ANK3: variants seen among roughly 807,000 people sequenced by gnomAD.
The protein encoded by ANK3 is ankyrin-3.
A neutral mutation model predicts 370.9 loss-of-function variants in ANK3; 57 were observed. The observed-to-expected ratio is 0.15, with a 90% CI of 0.12 to 0.19. The LOEUF (loss-of-function observed/expected upper bound fraction) is 0.19, where lower values mean the gene tolerates loss of function less well. Ranked by LOEUF, ANK3 falls within the 10% of genes least tolerant of loss-of-function variation. ANK3 has a pLI of 1.00. For synonymous variants in ANK3, 1,929 were observed against 1,946.3 expected, an observed-to-expected ratio of 0.99 and a Z score of 0.23; for missense variants, 4,439 against 5,302.1, an observed-to-expected ratio of 0.84 and a Z score of 5.06.
At chr10:60,122,031 G>A (rs1421623705) in intron 25 of ANK3, among the ~76,000 whole-genome samples, 1 of 152,210 alleles carries the variant, frequency 6.6e-6, no homozygotes, top group African/African-American at 2.4e-5. Context: ...AAGGAGGGGT[G>A]TTGCCTGGGC....
upstream of ANK3, among the ~76,000 whole-genome samples, chr10:60,390,044 C>T (rs1287536227): frequency 6.6e-6 from 1 of 152,118 alleles, no homozygotes; most frequent in Non-Finnish European, 1.5e-5. Flanking sequence ...TAGATCTACA[C>T]GGAGAATAAT....
Position 60,669,411 on chromosome 10 carries a change from C to CA in ANK3, c.58-54188_58-54187insT, listed in dbSNP as rs571447245. On this transcript the variant is annotated intron_variant, in intron 1 of 43. Transcript: ENST00000373827. ...TGGTTTTTTTGCCTTAAGAAACACT[C>CA]CAACTTTCAGAGGCTTGCACCCTTT... Among the ~76,000 whole-genome samples, 301 of 152,324 alleles carry CA rather than the reference C, an allele frequency of 2.0e-3. 1 individual carries two copies. The highest frequency in any genetic ancestry group is 6.9e-3 in the African/African-American group (286 of 41,554).
At chr10:60,141,719 A>C (rs2094578709) in intron 23 of ANK3, among the ~76,000 whole-genome samples, 1 of 151,578 alleles carries the variant, frequency 6.6e-6, no homozygotes, top group African/African-American at 2.4e-5. Flanking sequence ...ATGTTACCTA[A>C]ATATACAGGA....
chr10:60,449,582 G>A, intron 2 of ANK3, among the ~76,000 whole-genome samples: 1 of 152,028 alleles, frequency 6.6e-6, no homozygotes, highest in East Asian at 1.9e-4. Flanking sequence ...AGACTCCTGG[G>A]GTCCACCTAT....
chr10:60,719,493 T>C (rs2079833884), intron 1 of ANK3, among the ~76,000 whole-genome samples: 4 of 152,164 alleles, frequency 2.6e-5, no homozygotes, highest in Admixed American at 2.0e-4. Context: ...GAAGTGCCCA[T>C]ATCCTCAACA....
At chr10:60,633,046 T>C (rs534880225) in intron 1 of ANK3, among the ~76,000 whole-genome samples, 9 of 152,328 alleles carry the variant, frequency 5.9e-5, no homozygotes, top group South Asian at 4.1e-4. Flanking sequence ...AGAGATTCTA[T>C]ACTTAGCTCC....
rs1021854781 is a variant in ANK3, at chr10:60,567,129, T to A, written c.96+48057A>T. Among the ~76,000 whole-genome samples the A allele has an allele frequency of 2.0e-5, 3 of 152,212 alleles. No homozygotes were observed. In the East Asian group the frequency reaches 5.8e-4, roughly 29 times the overall value. ...AGCAAAGAAAACTGATGAAGGTGGT[T>A]ACACTAAACCACAGATTTTTCAGTG... On this transcript the variant is annotated intron_variant, in intron 2 of 43. Transcript: ENST00000373827.
chr10:60,673,572 G>A (rs1334288499), intron 1 of ANK3, among the ~76,000 whole-genome samples: 7 of 151,956 alleles, frequency 4.6e-5, no homozygotes, highest in Non-Finnish European at 7.4e-5. Flanking sequence ...GGCTGGTCTC[G>A]AACTCCTGAC....
At chr10:60,353,086 C>A (rs1429513414) in intron 1 of ANK3, among the ~76,000 whole-genome samples, 1 of 151,940 alleles carries the variant, frequency 6.6e-6, no homozygotes, top group African/African-American at 2.4e-5. Context: ...CCAGCTCAGG[C>A]CATCCTCCCA....
intron 2 of ANK3, among the ~76,000 whole-genome samples, chr10:60,443,743 G>A (rs2064361210): frequency 2.0e-5 from 3 of 152,070 alleles, no homozygotes; most frequent in Non-Finnish European, 2.9e-5. Context: ...TGTCCTTCTT[G>A]GCTAAATATA....
At chr10:60,372,994 TA>T (rs923386004) in intron 1 of ANK3, among the ~76,000 whole-genome samples, 1 of 152,260 alleles carries the variant, frequency 6.6e-6, no homozygotes, top group Non-Finnish European at 1.5e-5. Flanking sequence ...TAGATTTTTT[TA>T]AAACCAGTAT....
chr10:60,619,059 C>T (rs2078301343), intron 1 of ANK3, among the ~76,000 whole-genome samples: 1 of 151,990 alleles, frequency 6.6e-6, no homozygotes, highest in African/African-American at 2.4e-5. Context: ...TAGTTCTGCC[C>T]TCTTCTGGAA....
rs150019403 is a variant in ANK3, at chr10:60,458,649, C to T, written c.96+156537G>A. ...GAACTTGCAATATTATTTTGGATGA[C>T]TAGATGAGAGAAAGGGAAACAGAAA... On this transcript the variant is annotated intron_variant, in intron 2 of 43. Coordinates refer to the ANK3 transcript ENST00000373827. Among the ~76,000 whole-genome samples the T allele has an allele frequency of 2.5e-3, 379 of 152,080 alleles. 1 individual carries two copies. The highest frequency in any genetic ancestry group is 8.4e-3 in the African/African-American group (348 of 41,492).
intron 1 of ANK3, among the ~76,000 whole-genome samples, chr10:60,674,177 T>C (rs905085539): frequency 6.6e-6 from 1 of 152,296 alleles, no homozygotes; most frequent in Non-Finnish European, 1.5e-5. Flanking sequence ...TTTACTAAGG[T>C]AAACTTTACT....
rs2072423383 is a variant in ANK3 at position 60,026,753 on chromosome 10, G to T, written c.*3093C>A. On this transcript the variant is annotated 3_prime_UTR_variant, in exon 44 of 44. Transcript: ENST00000280772. ...TAAAGTATTGAAATAATACTGCATA[G>T]TGTATTGCCATAATTTGGCAATACA... 6.6e-6 allele frequency: 1 copy of T among 152,060 alleles called. No individual in the cohort carries two copies. Among genetic ancestry groups the T allele is most frequent in the African/African-American group, 2.4e-5 (1 of 41,396 alleles). The allele number at this position is 152,060 out of a possible 1,614,324, so 9.4% of individuals were successfully genotyped here.
chr10:60,624,314 T>C (rs754916760), intron 1 of ANK3, among the ~76,000 whole-genome samples: 2 of 152,150 alleles, frequency 1.3e-5, no homozygotes, highest in Non-Finnish European at 2.9e-5. Context: ...GTACAAAGTA[T>C]TTTTAAAAAA....
In ANK3 at chr10:60,152,833, C is replaced by G. The variant is rs1335187132; in HGVS notation, c.2615-13746G>C. 2.6e-5 allele frequency among the ~76,000 whole-genome samples: 4 copies of G among 152,168 alleles called. No individual in the cohort carries two copies. In the South Asian group the frequency reaches 8.3e-4, roughly 32 times the overall value. ...CACCCCAAACACAGGCCCCTCTTAC[C>G]TCCTCAAGGTAATTGCTTTCTATAT... On this transcript the variant is annotated intron_variant, in intron 23 of 43. Transcript: ENST00000280772.
intron 36 of ANK3, among the ~76,000 whole-genome samples, chr10:60,079,535 G>A (rs1224933566): frequency 6.6e-6 from 1 of 152,154 alleles, no homozygotes; most frequent in Admixed American, 6.5e-5. Flanking sequence ...GGTGGGAAAA[G>A]CCAAAGATGT....
intron 1 of ANK3, among the ~76,000 whole-genome samples, chr10:60,728,641 CCTT>C (rs2079976857): frequency 6.6e-6 from 1 of 152,102 alleles, no homozygotes; most frequent in South Asian, 2.1e-4. Flanking sequence ...CCAACCCTCT[CCTT>C]CGTCTAGTGA....
Sources: allele counts gnomAD v4.1 joint callset (sites outside exome capture counted in the v4.1 genomes callset), GRCh38; gene constraint gnomAD v4.1.1; transcripts MANE v1.5; gene names NCBI Gene and HGNC (gene_info 2026-07-23, HGNC 2026-07-21).